PLCL1: variants seen among roughly 807,000 people sequenced by gnomAD.
PLCL1 encodes phospholipase C like 1 (inactive).
Under a neutral mutation model 84.4 loss-of-function variants are expected in PLCL1, and 41 were observed. The ratio of observed to expected loss-of-function variants is 0.49; its 90% CI spans 0.38 to 0.63. The LOEUF is 0.63. Ranked by LOEUF, PLCL1 falls within the 30% of genes least tolerant of loss-of-function variation. The pLI, the probability that PLCL1 is intolerant of heterozygous loss-of-function variation, is 0.00. For missense variants in PLCL1, 1,206 were observed against 1,367.8 expected (o/e 0.88, Z 1.87); for synonymous variants, 490 against 488.3 (o/e 1.00, Z -0.05).
intron 1 of PLCL1, among the ~76,000 whole-genome samples, chr2:197,825,300 A>G (rs1312201117): frequency 6.6e-6 from 1 of 152,222 alleles, no homozygotes; most frequent in East Asian, 1.9e-4. Context: ...ACCCAGTCCT[A>G]GTACCACAGT....
intron 1 of PLCL1, among the ~76,000 whole-genome samples, chr2:197,891,648 G>A (rs1455266661): frequency 6.6e-6 from 1 of 151,358 alleles, no homozygotes; most frequent in African/African-American, 2.4e-5. Flanking sequence ...TTTGAGATAA[G>A]CTAATCTGAC....
chr2:197,806,223 T>G (rs894636945), intron 1 of PLCL1, among the ~76,000 whole-genome samples: 1 of 152,174 alleles, frequency 6.6e-6, no homozygotes, highest in Admixed American at 6.5e-5. Flanking sequence ...CAGATTAAAA[T>G]TGATTTTGGT....
At chr2:197,833,374 C>T (rs1048416563) in intron 1 of PLCL1, among the ~76,000 whole-genome samples, 11 of 152,138 alleles carry the variant, frequency 7.2e-5, no homozygotes, top group African/African-American at 2.4e-4. Context: ...AATAGAAAGA[C>T]AGGACATCAA....
chr2:197,827,376 G>GTA lies in PLCL1; in HGVS notation c.240+22050_240+22051dup, dbSNP rs113570813. 1.7e-3 allele frequency among the ~76,000 whole-genome samples: 258 copies of GTA among 150,456 alleles called. 3 individuals carry two copies. Among genetic ancestry groups the GTA allele is most frequent in the South Asian group, 0.014 (68 of 4,776 alleles). ...TATATATGCATATAAATATATATGT[G>GTA]TATATATATATATAGGCATAGTGCC... On this transcript the variant is annotated intron_variant, in intron 1 of 5. Coordinates refer to ENST00000428675, the MANE Select transcript of PLCL1 (RefSeq NM_006226.4).
Position 197,865,460 on chromosome 2 carries a change from C to A in PLCL1, c.240+60121C>A, listed in dbSNP as rs987650017. On this transcript the variant is annotated intron_variant, in intron 1 of 5. Coordinates refer to ENST00000428675, the MANE Select transcript of PLCL1 (RefSeq NM_006226.4). The stretch of plus-strand genomic sequence containing the variant: ...GAAGTTTTAGACCCAGTCCCTTTAA[C>A]CTTAAGGAGCTCACATGCAATAAGA... 2.0e-5 allele frequency among the ~76,000 whole-genome samples: 3 copies of A among 152,058 alleles called. No homozygotes were observed. The East Asian group carries it at 5.8e-4, about 29-fold the overall frequency.
At chr2:197,826,365 T>C (rs1299389726) in intron 1 of PLCL1, among the ~76,000 whole-genome samples, 2 of 152,226 alleles carry the variant, frequency 1.3e-5, no homozygotes, top group African/African-American at 2.4e-5. Context: ...TTAATTCTGA[T>C]AGATTTTGAC....
At chr2:197,941,328 G>A (rs1173083046) in intron 1 of PLCL1, among the ~76,000 whole-genome samples, 1 of 151,478 alleles carries the variant, frequency 6.6e-6, no homozygotes, top group Admixed American at 6.6e-5. Flanking sequence ...GTCTCGCTGT[G>A]TTGCCCAGCC....
intron 1 of PLCL1, among the ~76,000 whole-genome samples, chr2:197,899,635 C>CTTTTTTT (rs200198349): frequency 2.9e-5 from 4 of 139,186 alleles, no homozygotes; most frequent in African/African-American, 5.4e-5. Flanking sequence ...TGAGTTCTTT[C>CTTTTTTT]TTTCTTTTTT....
intron 1 of PLCL1, among the ~76,000 whole-genome samples, chr2:198,033,024 T>C (rs921820767): frequency 6.6e-6 from 1 of 152,174 alleles, no homozygotes; most frequent in Non-Finnish European, 1.5e-5. Flanking sequence ...CCAGGTAACA[T>C]GGAAAGAGCA....
At chr2:198,095,198 A>C (rs568238693) in intron 3 of PLCL1, among the ~76,000 whole-genome samples, 41 of 151,928 alleles carry the variant, frequency 2.7e-4, no homozygotes, top group Non-Finnish European at 5.0e-4. Flanking sequence ...TTTCTAAGTG[A>C]CTCTTCCATT....
At chr2:198,136,286 CTT>C (rs1211094551) in intron 5 of PLCL1, among the ~76,000 whole-genome samples, 1 of 152,058 alleles carries the variant, frequency 6.6e-6, no homozygotes, top group Admixed American at 6.6e-5. Flanking sequence ...TATTATCTCT[CTT>C]AATCTCACAA....
intron 1 of PLCL1, among the ~76,000 whole-genome samples, chr2:198,027,410 C>T (rs1049599067): frequency 6.6e-6 from 1 of 151,970 alleles, no homozygotes; most frequent in Non-Finnish European, 1.5e-5. Flanking sequence ...AGGAGGAAAA[C>T]GTTCAAGAGA....
intron 1 of PLCL1, among the ~76,000 whole-genome samples, chr2:197,822,737 C>T (rs1478562025): frequency 6.6e-6 from 1 of 152,178 alleles, no homozygotes; most frequent in Non-Finnish European, 1.5e-5. Flanking sequence ...GGCCTCAACA[C>T]TGGTTGCTAT....
chr2:197,983,200 CTTTTTTTTTTTTTTTTTTTTTTTTTTTTT>C lies in PLCL1; in HGVS notation c.241-100547_241-100519del, dbSNP rs760577848. On this transcript the variant is annotated intron_variant, in intron 1 of 5. Coordinates refer to ENST00000428675, the MANE Select transcript of PLCL1 (RefSeq NM_006226.4). ...TTTCTTTTTCTTTTTCTTTTCTTTT[CTTTTTTTTTTTTTTTTTTTTTTTTTTTTT>C]TTTTTTTTTTGAGACAGGGTCTTGC... Among the ~76,000 whole-genome samples the C allele has an allele frequency of 1.3e-4, 8 of 60,256 alleles. 1 individual carries two copies. Among genetic ancestry groups the C allele is most frequent in the African/African-American group, 5.1e-4 (8 of 15,548 alleles). 39.5% of individuals were successfully genotyped at this position (60,256 alleles called of 152,430 possible).
At chr2:198,010,430 G>A (rs1690839754) in intron 1 of PLCL1, among the ~76,000 whole-genome samples, 1 of 151,892 alleles carries the variant, frequency 6.6e-6, no homozygotes, top group South Asian at 2.1e-4. Context: ...TGATCATTTG[G>A]TTTTTGTCCA....
At chr2:197,850,021 G>GAC (rs1198403874) in intron 1 of PLCL1, among the ~76,000 whole-genome samples, 13 of 93,300 alleles carry the variant, frequency 1.4e-4, no homozygotes, top group African/African-American at 3.7e-4. Context: ...CAGACACACA[G>GAC]ACACACACAG....
chr2:197,987,212 T>C (rs548442053), intron 1 of PLCL1, among the ~76,000 whole-genome samples: 6 of 152,356 alleles, frequency 3.9e-5, no homozygotes, highest in African/African-American at 1.4e-4. Flanking sequence ...ACCATAAGTC[T>C]CATCTGGCCT....
At chr2:197,837,068 G>T (rs1691207370) in intron 1 of PLCL1, among the ~76,000 whole-genome samples, 1 of 152,116 alleles carries the variant, frequency 6.6e-6, no homozygotes, top group Non-Finnish European at 1.5e-5. Flanking sequence ...TCTAAATCAT[G>T]ATTTCTTCCC....
chr2:197,897,196 TCCTTCTTC>T (rs1447556847), intron 1 of PLCL1, among the ~76,000 whole-genome samples: 2 of 31,600 alleles, frequency 6.3e-5, no homozygotes, highest in African/African-American at 2.5e-4. Flanking sequence ...CTTCTCCTTC[TCCTTCTTC>T]TTTCTTCTTC....
Sources: allele counts gnomAD v4.1 joint callset (sites outside exome capture counted in the v4.1 genomes callset), GRCh38; gene constraint gnomAD v4.1.1; transcripts MANE v1.5; gene names NCBI Gene and HGNC (gene_info 2026-07-23, HGNC 2026-07-21).